Variants in CHD6 observed in about 807,000 individuals in gnomAD.
CHD6 encodes ATP-dependent chromatin remodeler CHD6.
In CHD6, 50 loss-of-function variants were observed where a neutral mutation model predicts 276.9. That is an observed-to-expected ratio of 0.18 (90% CI 0.14 to 0.23). The LOEUF (loss-of-function observed/expected upper bound fraction) is 0.23. Ranked by LOEUF, CHD6 falls within the 10% of genes least tolerant of loss-of-function variation. The pLI is 1.00. For missense variants in CHD6, 2,564 were observed against 3,365.8 expected (o/e 0.76, Z 5.89); for synonymous variants, 1,173 against 1,229.3 (o/e 0.95, Z 0.96).
chr20:41,575,479 T>C (rs903452103), intron 1 of CHD6, among the ~76,000 whole-genome samples: 11 of 152,116 alleles, frequency 7.2e-5, no homozygotes, highest in Non-Finnish European at 1.5e-4. Context: ...ATGTCATAAA[T>C]ACCAAGTGAA....
intron 1 of CHD6, among the ~76,000 whole-genome samples, chr20:41,555,281 G>A (rs1468139293): frequency 1.4e-5 from 2 of 143,764 alleles, no homozygotes; most frequent in East Asian, 2.3e-4. Context: ...GCCGGGCAGA[G>A]GGGCTCCTCA....
At chr20:41,422,168 T>C in intron 30 of CHD6, 89 bp from the exon 31 acceptor site, 2 of 1,355,842 alleles carry the variant, frequency 1.5e-6, no homozygotes, top group Non-Finnish European at 2.0e-6. Flanking sequence ...GGTCTTGGAG[T>C]TTAGCTCCCT....
At chr20:41,479,267 T>C (rs1447163076) in intron 16 of CHD6, among the ~76,000 whole-genome samples, 1 of 151,870 alleles carries the variant, frequency 6.6e-6, no homozygotes. Flanking sequence ...AAAAAAGAAA[T>C]TGAAGAAATA....
chr20:41,553,702 C>A (rs765866554), intron 1 of CHD6, among the ~76,000 whole-genome samples: 3 of 152,228 alleles, frequency 2.0e-5, no homozygotes, highest in Admixed American at 1.3e-4. Flanking sequence ...TCTGCGATTG[C>A]GTACCCTTTC....
At chr20:41,538,033 A>G (rs1202357792) in intron 2 of CHD6, among the ~76,000 whole-genome samples, 1 of 152,248 alleles carries the variant, frequency 6.6e-6, no homozygotes, top group East Asian at 1.9e-4. Flanking sequence ...TGTCCATACA[A>G]TGGCATATTA....
intron 17 of CHD6, among the ~76,000 whole-genome samples, chr20:41,469,970 G>C (rs1450771863): frequency 6.6e-6 from 1 of 152,208 alleles, no homozygotes; most frequent in Non-Finnish European, 1.5e-5. Context: ...GAGGATTTGG[G>C]AAGAGGAACA....
chr20:41,415,667 C>A lies in CHD6; in HGVS notation c.6487-29G>T, dbSNP rs1392606485. 3 of 1,493,898 alleles carry A rather than the reference C, an allele frequency of 2.0e-6. No individual in the cohort carries two copies. The Admixed American group carries it at 6.1e-5, about 31-fold the overall frequency. 92.5% of individuals were successfully genotyped at this position (1,493,898 alleles called of 1,614,324 possible). Reference sequence around the variant, plus strand: ...TGAACACACAAACAGCAAGAGAGGTCTGAATGTCACACAAGTGGCTGAATG... The same window carrying A: ...TGAACACACAAACAGCAAGAGAGGTATGAATGTCACACAAGTGGCTGAATG... On this transcript the variant is annotated intron_variant, in intron 33 of 36. Coordinates refer to ENST00000373233, the MANE Select transcript of CHD6 (RefSeq NM_032221.5).
chr20:41,585,244 C>T (rs548632641), intron 1 of CHD6, among the ~76,000 whole-genome samples: 51 of 152,310 alleles, frequency 3.3e-4, no homozygotes, highest in African/African-American at 1.2e-3. Flanking sequence ...TGGCTCACGC[C>T]TGTAATCCCA....
intron 3 of CHD6, among the ~76,000 whole-genome samples, chr20:41,516,065 G>A (rs569021866): frequency 3.3e-5 from 5 of 152,126 alleles, no homozygotes; most frequent in Non-Finnish European, 7.4e-5. Flanking sequence ...AATAACTAAT[G>A]ATTGCAGCTA....
intron 36 of CHD6, among the ~76,000 whole-genome samples, chr20:41,409,745 A>T (rs757900682): frequency 6.6e-6 from 1 of 152,236 alleles, no homozygotes; most frequent in Non-Finnish European, 1.5e-5. Context: ...ATTAATATGC[A>T]TGTGTAATAA....
chr20:41,453,102 C>T (rs2048288351), intron 20 of CHD6, among the ~76,000 whole-genome samples, 160 bp from the exon 21 acceptor site: 1 of 152,112 alleles, frequency 6.6e-6, no homozygotes, highest in Non-Finnish European at 1.5e-5. Context: ...TCCATGACCA[C>T]AGGACAAGCA....
At position 41,421,847 on chromosome 20, in the gene CHD6, A is replaced by C; in HGVS notation, c.4788T>G (p.Thr1596=). Residue 1596 remains threonine (T), a synonymous_variant, in exon 31 of 37, where the codon ACT becomes ACG. Transcript: ENST00000373233. ...IGTAKHGLNR[T]DCYIMNDPQL... ...GGGGGTCGTTCATGATGTAACAGTC[A>C]GTGCGGTTCAGCCCATGTTTGGCAG... The C allele has an allele frequency of 6.2e-7, 1 of 1,614,178 alleles. No individual in the cohort carries two copies. Among genetic ancestry groups the C allele is most frequent in the Non-Finnish European group, 8.5e-7 (1 of 1,180,008 alleles).
chr20:41,554,133 A>T (rs2045185676), intron 1 of CHD6, among the ~76,000 whole-genome samples: 2 of 152,194 alleles, frequency 1.3e-5, no homozygotes, highest in Admixed American at 6.5e-5. Context: ...TGACAGAGTG[A>T]GGCCCTGTCT....
At chr20:41,459,140 C>T (rs1013569953) in intron 17 of CHD6, among the ~76,000 whole-genome samples, 49 of 152,236 alleles carry the variant, frequency 3.2e-4, no homozygotes, top group African/African-American at 1.1e-3. Flanking sequence ...AGGGACTCAC[C>T]CAGTGCCAGA....
chr20:41,409,129 G>C (rs1555885170), intron 36 of CHD6, among the ~76,000 whole-genome samples: 1 of 152,224 alleles, frequency 6.6e-6, no homozygotes, highest in East Asian at 1.9e-4. Context: ...AGGATAAAGA[G>C]AACGCTCTTC....
At chr20:41,417,483 T>A in intron 31 of CHD6, 134 bp from the exon 32 acceptor site, 1 of 713,002 alleles carries the variant, frequency 1.4e-6, no homozygotes, top group Non-Finnish European at 2.1e-6. Flanking sequence ...AATGGAATAT[T>A]AATTATGATA....
intron 5 of CHD6, among the ~76,000 whole-genome samples, chr20:41,509,238 C>G (rs1408946927): frequency 1.3e-5 from 2 of 152,072 alleles, no homozygotes; most frequent in Non-Finnish European, 2.9e-5. Context: ...TAGTGAAAAA[C>G]ATTATCAAAC....
intron 25 of CHD6, among the ~76,000 whole-genome samples, chr20:41,445,018 T>C (rs2048021286): frequency 6.6e-6 from 1 of 152,214 alleles, no homozygotes; most frequent in African/African-American, 2.4e-5. Context: ...CTTGACACTT[T>C]CATCATTCAT....
At chr20:41,604,057 G>A (rs117904152) in intron 1 of CHD6, among the ~76,000 whole-genome samples, 4,487 of 151,726 alleles carry the variant, frequency 0.03, 109 homozygotes, top group Non-Finnish European at 0.046. Context: ...GGAGAACAGG[G>A]GCTGCTAAAG....
Sources: allele counts gnomAD v4.1 joint callset (sites outside exome capture counted in the v4.1 genomes callset), GRCh38; gene constraint gnomAD v4.1.1; transcripts MANE v1.5; gene names NCBI Gene and HGNC (gene_info 2026-07-23, HGNC 2026-07-21).